CFAP61: variants seen among roughly 807,000 people sequenced by gnomAD.
The protein encoded by CFAP61 is cilia and flagella associated protein 61.
Under a neutral mutation model 135.6 loss-of-function variants are expected in CFAP61, and 107 were observed. The observed-to-expected ratio is 0.79, with a 90% CI of 0.67 to 0.93. CFAP61 has a LOEUF of 0.93. CFAP61 is among the 40% of genes least tolerant of loss of function. The pLI is 0.00. For synonymous variants in CFAP61, 575 were observed against 578.5 expected (o/e 0.99, Z 0.09); for missense variants, 1,507 against 1,556.2 (o/e 0.97, Z 0.53).
intron 2 of CFAP61, among the ~76,000 whole-genome samples, chr20:20,057,295 T>G (rs2044433377): frequency 1.3e-5 from 2 of 152,122 alleles, no homozygotes; most frequent in African/African-American, 4.8e-5. Flanking sequence ...TATAATAATA[T>G]GCAAATCAAA....
intron 25 of CFAP61, among the ~76,000 whole-genome samples, chr20:20,318,708 A>G (rs2122230617): frequency 6.6e-6 from 1 of 152,296 alleles, no homozygotes; most frequent in African/African-American, 2.4e-5. Flanking sequence ...AGGACTCCAA[A>G]CAGCCTGGCT....
chr20:20,242,781 C>A (rs937293768), intron 18 of CFAP61, among the ~76,000 whole-genome samples: 1 of 152,210 alleles, frequency 6.6e-6, no homozygotes, highest in Non-Finnish European at 1.5e-5. Flanking sequence ...AATTTCCTCG[C>A]AGATGACACT....
chr20:20,295,267 G>A (rs1215597917), intron 24 of CFAP61, among the ~76,000 whole-genome samples: 1 of 152,156 alleles, frequency 6.6e-6, no homozygotes, highest in Non-Finnish European at 1.5e-5. Flanking sequence ...TGAGACTCTT[G>A]GCAAAGTCAA....
chr20:20,307,680 A>G (rs533856839), intron 25 of CFAP61, among the ~76,000 whole-genome samples: 1 of 152,364 alleles, frequency 6.6e-6, no homozygotes, highest in East Asian at 1.9e-4. Context: ...GTATGGGATT[A>G]CATATGATAT....
intron 11 of CFAP61, 93 bp downstream of exon 11, chr20:20,164,321 A>C (rs1459022371): frequency 4.7e-6 from 6 of 1,269,600 alleles, no homozygotes; most frequent in Non-Finnish European, 5.4e-6. Flanking sequence ...AGTAATTTCC[A>C]AACCTGGCCC....
intron 7 of CFAP61, among the ~76,000 whole-genome samples, chr20:20,091,763 C>T (rs1488235393): frequency 2.6e-5 from 4 of 152,050 alleles, no homozygotes; most frequent in Admixed American, 6.5e-5. Flanking sequence ...CTGCAACCTC[C>T]GCCTCTCGGG....
intron 8 of CFAP61, among the ~76,000 whole-genome samples, chr20:20,131,817 A>G (rs1159735082): frequency 6.6e-6 from 1 of 152,082 alleles, no homozygotes; most frequent in Non-Finnish European, 1.5e-5. Context: ...AAGTTTTGGT[A>G]TGTAACTAAT....
intron 9 of CFAP61, among the ~76,000 whole-genome samples, chr20:20,153,312 A>G (rs1343445862): frequency 2.0e-4 from 30 of 152,162 alleles, no homozygotes; most frequent in Admixed American, 2.0e-3. Flanking sequence ...ACCTCAAGGA[A>G]CTAGAGAAAC....
chr20:20,170,203 G>A (rs2054125526), intron 13 of CFAP61, among the ~76,000 whole-genome samples: 1 of 152,180 alleles, frequency 6.6e-6, no homozygotes, highest in Admixed American at 6.5e-5. Context: ...GAAAGTGAGT[G>A]AAGATTGACC....
chr20:20,203,275 A>T (rs1281181475), intron 17 of CFAP61, among the ~76,000 whole-genome samples: 1 of 152,186 alleles, frequency 6.6e-6, no homozygotes, highest in Non-Finnish European at 1.5e-5. Context: ...GTGTGAATGC[A>T]TGGGTAAGAG....
At chr20:20,304,191 T>C (rs1313157557) in intron 25 of CFAP61, among the ~76,000 whole-genome samples, 3 of 152,014 alleles carry the variant, frequency 2.0e-5, no homozygotes, top group Non-Finnish European at 4.4e-5. Flanking sequence ...CACCTATATT[T>C]TATTCTCTGT....
At chr20:20,323,846 A>G (rs1569297831) in intron 25 of CFAP61, among the ~76,000 whole-genome samples, 2 of 152,220 alleles carry the variant, frequency 1.3e-5, no homozygotes. Flanking sequence ...ATGTATATAT[A>G]AACAATATTT....
chr20:20,360,271 C>A lies in CFAP61; in HGVS notation c.3575C>A (p.Pro1192Gln), dbSNP rs776767749. The A allele has an allele frequency of 1.2e-6, 2 of 1,613,726 alleles. No individual in the cohort carries two copies. Among genetic ancestry groups the A allele is most frequent in the Non-Finnish European group, 1.7e-6 (2 of 1,179,958 alleles). The change falls in exon 27 of 27, where the codon CCG becomes CAG. Residue 1192 changes from proline to glutamine, a missense_variant. Physicochemically the swap from Pro to Gln is moderately conservative, Grantham distance 76. Transcript: ENST00000245957. The part of the protein sequence containing the change: ...AHQIEDEEIN[P>Q]TEKPRQYLKR... The stretch of plus-strand genomic sequence containing the variant: ...CAAATAGAAGATGAGGAAATCAACC[C>A]GACTGAGAAGCCCAGGCAATACCTC...
chr20:20,175,619 A>G (rs6112806), intron 13 of CFAP61, among the ~76,000 whole-genome samples: 137,660 of 151,920 alleles, frequency 0.91, 63,209 homozygotes, highest in Middle Eastern at 0.99. Flanking sequence ...TCTGACTCCC[A>G]GGTTTCACGC....
intron 17 of CFAP61, chr20:20,214,232 G>A (rs889173711): frequency 6.6e-6 from 1 of 152,220 alleles, no homozygotes; most frequent in Non-Finnish European, 1.5e-5. Flanking sequence ...CAGGCAATCT[G>A]TGTTGTTCCA....
intron 8 of CFAP61, among the ~76,000 whole-genome samples, chr20:20,100,176 CTT>C (rs74180979): frequency 2.1e-5 from 3 of 142,944 alleles, no homozygotes; most frequent in Middle Eastern, 3.6e-3. Context: ...ACTAAATGGC[CTT>C]TTTTTTTTTT....
intron 2 of CFAP61, among the ~76,000 whole-genome samples, chr20:20,070,519 C>T (rs368208770): frequency 6.6e-6 from 1 of 152,188 alleles, no homozygotes; most frequent in Non-Finnish European, 1.5e-5. Flanking sequence ...TTAGGCCAAA[C>T]ACAGTGGTAC....
intron 20 of CFAP61, among the ~76,000 whole-genome samples, chr20:20,256,191 G>C (rs2051551587): frequency 6.6e-6 from 1 of 152,160 alleles, no homozygotes; most frequent in African/African-American, 2.4e-5. Flanking sequence ...TAAAAGAATT[G>C]CTCATCCAAA....
chr20:20,307,419 A>T (rs1387714630), intron 25 of CFAP61, among the ~76,000 whole-genome samples: 1 of 152,222 alleles, frequency 6.6e-6, no homozygotes, highest in Non-Finnish European at 1.5e-5. Flanking sequence ...AAAGTTTTTT[A>T]AAAGTATGTA....
Sources: allele counts gnomAD v4.1 joint callset (sites outside exome capture counted in the v4.1 genomes callset), GRCh38; gene constraint gnomAD v4.1.1; transcripts MANE v1.5; gene names NCBI Gene and HGNC (gene_info 2026-07-23, HGNC 2026-07-21).